CLCN5: variants seen among roughly 807,000 people sequenced by gnomAD.
CLCN5 encodes the protein Cl-/H+ antiporter 5, also known as H(+)/Cl(-) exchange transporter 5.
A neutral mutation model predicts 54.0 loss-of-function variants in CLCN5; 17 were observed. The observed-to-expected ratio is 0.31, with a 90% CI of 0.22 to 0.47. CLCN5 has a LOEUF of 0.47. CLCN5 is among the 20% of genes least tolerant of loss of function. The pLI, the probability that CLCN5 is intolerant of heterozygous loss-of-function variation, is 1.00. For synonymous variants in CLCN5, 222 were observed against 233.0 expected (o/e 0.95, Z 0.43); for missense variants, 448 against 646.7 (o/e 0.69, Z 3.33).
At chrX:49,946,537 T>C (rs367633764) in intron 3 of CLCN5, among the ~76,000 whole-genome samples, 2 of 112,106 alleles carry the variant, frequency 1.8e-5, no homozygotes, top group East Asian at 5.6e-4. Context: ...ACCTTGCTTT[T>C]TCAAGGCCAG....
At chrX:50,063,235 G>A (rs1433009539) in intron 4 of CLCN5, among the ~76,000 whole-genome samples, 12 of 93,784 alleles carry the variant, frequency 1.3e-4, no homozygotes, top group Non-Finnish European at 2.3e-4. Context: ...TTTTTTGAAA[G>A]GATCAACAAA....
In CLCN5 at chrX:50,082,786, T is replaced by A. The variant is rs1933751002; in HGVS notation, c.933+939T>A. 2.7e-5 allele frequency among the ~76,000 whole-genome samples: 3 copies of A among 112,282 alleles called. No homozygotes were observed. The South Asian group carries it at 1.1e-3, about 41-fold the overall frequency. ...TTTTAAAAGAAGTTGTTTATTGCTA[T>A]GGAATAGTACATATAAGTGCAGTGT... On this transcript the variant is annotated intron_variant, in intron 9 of 14. Transcript: ENST00000376091.
At chrX:49,998,748 C>T (rs1056139106) in intron 3 of CLCN5, among the ~76,000 whole-genome samples, 2 of 111,175 alleles carry the variant, frequency 1.8e-5, no homozygotes, top group Non-Finnish European at 3.8e-5. Context: ...GAGAGCTTTC[C>T]TGATCCCATT....
intron 3 of CLCN5, among the ~76,000 whole-genome samples, chrX:49,965,773 G>A (rs1557175362): frequency 8.9e-6 from 1 of 112,044 alleles, no homozygotes. Context: ...ATCCGCTGGA[G>A]GAAGTTCCCT....
At position 49,998,916 on chromosome X, in the gene CLCN5, T is replaced by C. The variant is rs186201940; in HGVS notation, c.17-43400T>C. Among the ~76,000 whole-genome samples the C allele has an allele frequency of 8.1e-5, 9 of 111,410 alleles. No homozygotes were observed. In the Admixed American group the frequency reaches 8.5e-4, roughly 11 times the overall value. ...GATGTGTTCACCCTCCCATTTGCCT[T>C]GAATGGTAGTGTGTGTGTTTTTTAA... is the stretch of plus-strand genomic sequence containing the variant. On this transcript the variant is annotated intron_variant, in intron 3 of 14. Transcript: ENST00000376091.
intron 3 of CLCN5, among the ~76,000 whole-genome samples, chrX:49,938,248 A>C (rs112801235): frequency 0.046 from 5,119 of 111,247 alleles, 299 homozygotes; most frequent in African/African-American, 0.16. Flanking sequence ...CATCCCCATC[A>C]AGCTACCAAT....
At chrX:49,983,155 A>G (rs1377565068) in intron 3 of CLCN5, among the ~76,000 whole-genome samples, 2 of 112,070 alleles carry the variant, frequency 1.8e-5, no homozygotes, top group Non-Finnish European at 3.8e-5. Context: ...AAAATAAATC[A>G]TGAATACAGC....
chrX:49,992,200 CT>C (rs1557179067), intron 3 of CLCN5, among the ~76,000 whole-genome samples: 1 of 100,283 alleles, frequency 1.0e-5, no homozygotes, highest in Non-Finnish European at 2.0e-5. Context: ...CTCTCCCTCT[CT>C]TTTTTTCTTT....
intron 3 of CLCN5, among the ~76,000 whole-genome samples, chrX:50,004,776 G>A (rs1348047095): frequency 9.0e-6 from 1 of 110,978 alleles, no homozygotes; most frequent in Non-Finnish European, 1.9e-5. Context: ...CAGGCCTGGT[G>A]GCAGGTGCCT....
At chrX:50,031,652 C>G (rs1254945747) in intron 3 of CLCN5, among the ~76,000 whole-genome samples, 3 of 110,895 alleles carry the variant, frequency 2.7e-5, no homozygotes, top group African/African-American at 9.8e-5. Context: ...TTAACCCAGA[C>G]ATTTGAGTAT....
At chrX:50,058,958 T>G (rs1445192516) in intron 4 of CLCN5, among the ~76,000 whole-genome samples, 1 of 112,203 alleles carries the variant, frequency 8.9e-6, no homozygotes, top group African/African-American at 3.2e-5. Context: ...TAGCTCTTAA[T>G]GCATTGTTTT....
chrX:49,960,580 C>G (rs1927550726), intron 3 of CLCN5, among the ~76,000 whole-genome samples: 1 of 109,067 alleles, frequency 9.2e-6, no homozygotes, highest in Non-Finnish European at 1.9e-5. Flanking sequence ...TGGTCACAAA[C>G]TTTCTCTTTC....
intron 3 of CLCN5, among the ~76,000 whole-genome samples, chrX:50,039,168 C>T (rs1365233922): frequency 9.0e-6 from 1 of 111,448 alleles, no homozygotes; most frequent in Non-Finnish European, 1.9e-5. Context: ...GTGACGCACG[C>T]CTGTAGTCCC....
intron 3 of CLCN5, among the ~76,000 whole-genome samples, chrX:49,985,659 CT>C (rs1280844037): frequency 2.7e-5 from 3 of 111,216 alleles, no homozygotes; most frequent in Non-Finnish European, 5.7e-5. Context: ...TTCCTGTTTC[CT>C]TTATCATTTT....
At chrX:50,028,537 A>G (rs914831388) in intron 3 of CLCN5, among the ~76,000 whole-genome samples, 3 of 111,605 alleles carry the variant, frequency 2.7e-5, no homozygotes, top group Non-Finnish European at 5.7e-5. Flanking sequence ...TTGTGTTCCT[A>G]TGGAGGTTTC....
chrX:49,962,940 C>T (rs1236849989), intron 3 of CLCN5, among the ~76,000 whole-genome samples: 3 of 111,744 alleles, frequency 2.7e-5, no homozygotes, highest in African/African-American at 9.8e-5. Context: ...AGGGAATTGA[C>T]ATACCTGGGT....
chrX:49,946,923 G>C (rs782440215), intron 3 of CLCN5, among the ~76,000 whole-genome samples: 1 of 110,513 alleles, frequency 9.0e-6, no homozygotes, highest in South Asian at 4.0e-4. Flanking sequence ...CCGCTTCCTG[G>C]ATTCAAGCGA....
At chrX:50,003,038 G>A (rs1471507095) in intron 3 of CLCN5, 2 of 275,460 alleles carry the variant, frequency 7.3e-6, no homozygotes, top group African/African-American at 5.4e-5. Context: ...AGGTACATAT[G>A]TGAATGTACA....
At chrX:50,038,045 T>G (rs1200314190) in intron 3 of CLCN5, among the ~76,000 whole-genome samples, 1 of 111,807 alleles carries the variant, frequency 8.9e-6, no homozygotes, top group Non-Finnish European at 1.9e-5. Flanking sequence ...CTGGAATGTC[T>G]TTTGTGACAG....
Sources: allele counts gnomAD v4.1 joint callset (sites outside exome capture counted in the v4.1 genomes callset), GRCh38; gene constraint gnomAD v4.1.1; transcripts MANE v1.5; gene names NCBI Gene and HGNC (gene_info 2026-07-23, HGNC 2026-07-21).